The following OLFM3 variants were observed in gnomAD, a reference collection of about 807,000 sequenced individuals.
OLFM3 encodes the protein noelin-3.
A neutral mutation model predicts 48.6 loss-of-function variants in OLFM3; 20 were observed. The observed-to-expected ratio is 0.41, with a 90% CI of 0.29 to 0.60. The LOEUF (loss-of-function observed/expected upper bound fraction) is 0.60, where lower values mean the gene tolerates loss of function less well. Ranked by LOEUF, OLFM3 falls within the 20% of genes least tolerant of loss-of-function variation. The pLI is 0.28. For missense variants in OLFM3, 437 were observed against 544.3 expected, an observed-to-expected ratio of 0.80 and a Z score of 1.96; for synonymous variants, 222 against 198.1, an observed-to-expected ratio of 1.12 and a Z score of -1.01.
chr1:101,916,401 CT>C (rs57463919), intron 1 of OLFM3, among the ~76,000 whole-genome samples: 1 of 150,612 alleles, frequency 6.6e-6, no homozygotes, highest in East Asian at 2.0e-4. Flanking sequence ...AATGTCTCTC[CT>C]TTTTTTTTAA....
In OLFM3 at chr1:101,901,502, T is replaced by G. The variant is rs1658385194; in HGVS notation, c.70-64477A>C. On this transcript the variant is annotated intron_variant, in intron 1 of 5. Transcript: ENST00000370103. ...AGGCTACAGGAATAAGAGTCGGGAC[T>G]TAAATGAGTCTGAAAGTTTTCAAGA... 1.3e-5 allele frequency among the ~76,000 whole-genome samples: 2 copies of G among 152,004 alleles called. 1 individual carries two copies. The highest frequency in any genetic ancestry group is 4.1e-4 in the South Asian group (2 of 4,826).
rs148366871 is a variant in OLFM3, at chr1:101,830,039, C to T, written c.372+633G>A. Among the ~76,000 whole-genome samples the T allele has an allele frequency of 6.5e-3, 989 of 152,094 alleles. 15 individuals carry two copies. Among genetic ancestry groups the T allele is most frequent in the African/African-American group, 0.022 (926 of 41,478 alleles). ...ATTTTTAGTAGAGACGGGGTTTCAC[C>T]TGTTTAGCCAGGATGGTCTCAATCT... On this transcript the variant is annotated intron_variant, in intron 3 of 5. Transcript: ENST00000370103.
At chr1:101,950,994 C>G (rs1223726146) in intron 1 of OLFM3, among the ~76,000 whole-genome samples, 2 of 152,168 alleles carry the variant, frequency 1.3e-5, no homozygotes, top group African/African-American at 2.4e-5. Flanking sequence ...GAAAGAAAAT[C>G]TAACTTACAT....
intron 1 of OLFM3, among the ~76,000 whole-genome samples, chr1:101,989,032 G>A (rs1031643979): frequency 6.6e-6 from 1 of 152,028 alleles, no homozygotes; most frequent in Admixed American, 6.6e-5. Context: ...TTATTCTAGG[G>A]GTTCTTAGTT....
intron 1 of OLFM3, among the ~76,000 whole-genome samples, chr1:101,953,547 C>T (rs895904104): frequency 9.9e-5 from 15 of 152,122 alleles, no homozygotes; most frequent in South Asian, 6.2e-4. Flanking sequence ...CCCCTTCTTG[C>T]TATGAATCAG....
rs184585889 is a variant in OLFM3 at position 101,842,719 on chromosome 1, A to G, written c.70-5694T>C. Among the ~76,000 whole-genome samples, 53 of 152,192 alleles carry G rather than the reference A, an allele frequency of 3.5e-4. No homozygotes were observed. In the South Asian group the frequency reaches 3.9e-3, roughly 11 times the overall value. ...TCCATTAGACCTCTGCATGAAAGGGATTTCACTGCTTTACAGGCAGCCCCC... is the reference window on the plus strand; with the variant it reads ...TCCATTAGACCTCTGCATGAAAGGGGTTTCACTGCTTTACAGGCAGCCCCC... On this transcript the variant is annotated intron_variant, in intron 1 of 5. Transcript: ENST00000370103.
At chr1:101,861,386 G>A (rs567177781) in intron 1 of OLFM3, among the ~76,000 whole-genome samples, 1 of 152,334 alleles carries the variant, frequency 6.6e-6, no homozygotes, top group Admixed American at 6.5e-5. Context: ...TTGTCTGTCA[G>A]AAAGAAGATG....
chr1:101,951,698 C>T (rs967104691), intron 1 of OLFM3, among the ~76,000 whole-genome samples: 23 of 152,102 alleles, frequency 1.5e-4, no homozygotes, highest in Admixed American at 3.3e-4. Context: ...ATGCACTATT[C>T]TTGATAGACT....
At chr1:101,834,569 T>C (rs1347103141) in intron 2 of OLFM3, among the ~76,000 whole-genome samples, 1 of 152,202 alleles carries the variant, frequency 6.6e-6, no homozygotes, top group East Asian at 1.9e-4. Flanking sequence ...AGACATCTTT[T>C]CTTTGGATCA....
At chr1:101,877,956 G>A (rs1164163797) in intron 1 of OLFM3, among the ~76,000 whole-genome samples, 1 of 151,664 alleles carries the variant, frequency 6.6e-6, no homozygotes, top group African/African-American at 2.4e-5. Context: ...ACTGGCTTAG[G>A]ATATGTATGG....
At chr1:101,874,490 TATA>T (rs71310157) in intron 1 of OLFM3, among the ~76,000 whole-genome samples, 2,245 of 149,812 alleles carry the variant, frequency 0.015, 42 homozygotes, top group African/African-American at 0.037. Flanking sequence ...ATTCTAATAA[TATA>T]ATAATAATAA....
At chr1:101,958,093 T>C (rs182269660) in intron 1 of OLFM3, among the ~76,000 whole-genome samples, 1 of 152,086 alleles carries the variant, frequency 6.6e-6, no homozygotes, top group South Asian at 2.1e-4. Flanking sequence ...TGTCTCTAAT[T>C]ACTGAGCCTG....
intron 1 of OLFM3, among the ~76,000 whole-genome samples, chr1:101,954,029 A>G (rs895792133): frequency 1.3e-5 from 2 of 152,140 alleles, no homozygotes; most frequent in African/African-American, 4.8e-5. Context: ...TTTATGAATC[A>G]CGGTGCTAAT....
chr1:101,918,625 G>A (rs1487305047), intron 1 of OLFM3, among the ~76,000 whole-genome samples: 1 of 149,198 alleles, frequency 6.7e-6, no homozygotes, highest in African/African-American at 2.5e-5. Flanking sequence ...AAATAATGCA[G>A]GATAACCTCT....
chr1:101,952,433 C>A (rs755821415), intron 1 of OLFM3, among the ~76,000 whole-genome samples: 1 of 151,922 alleles, frequency 6.6e-6, no homozygotes, highest in Admixed American at 6.6e-5. Context: ...GCAACAGAAA[C>A]ATTTTTTGTG....
chr1:101,848,650 A>C (rs775048740), intron 1 of OLFM3, among the ~76,000 whole-genome samples: 1 of 152,198 alleles, frequency 6.6e-6, no homozygotes, highest in Non-Finnish European at 1.5e-5. Context: ...ACAATATTTT[A>C]TGTATTAAAC....
chr1:101,859,344 T>C (rs1161471633), intron 1 of OLFM3, among the ~76,000 whole-genome samples: 4 of 151,970 alleles, frequency 2.6e-5, no homozygotes, highest in Non-Finnish European at 5.9e-5. Context: ...GAATGCCAGC[T>C]GAGAGAGTAG....
In OLFM3 at chr1:101,859,009, G is replaced by T. The variant is rs888656520; in HGVS notation, c.70-21984C>A. On this transcript the variant is annotated intron_variant, in intron 1 of 5. Transcript: ENST00000370103. ...TTCCCAAGAAAATCAGGAAGGAAAGGCCATTTCAACACTGGTGACAGCATG... is the reference window on the plus strand; with the variant it reads ...TTCCCAAGAAAATCAGGAAGGAAAGTCCATTTCAACACTGGTGACAGCATG... Among the ~76,000 whole-genome samples the T allele has an allele frequency of 1.2e-4, 19 of 152,030 alleles. 1 individual carries two copies. The highest frequency in any genetic ancestry group is 4.4e-4 in the African/African-American group (18 of 41,332).
At chr1:101,843,795 T>A (rs922817328) in intron 1 of OLFM3, among the ~76,000 whole-genome samples, 3 of 152,222 alleles carry the variant, frequency 2.0e-5, no homozygotes, top group African/African-American at 7.2e-5. Flanking sequence ...CATTTGAAAC[T>A]ATCATTCTAA....
Sources: gnomAD v4.1 joint callset for allele counts (sites outside exome capture counted in the v4.1 genomes callset) on GRCh38, gnomAD v4.1.1 for gene constraint, MANE v1.5 for transcripts, NCBI Gene and HGNC (gene_info 2026-07-23, HGNC 2026-07-21) for gene names.